The following FUT8 variants were observed in gnomAD, a reference collection of about 807,000 sequenced individuals.
FUT8 encodes the protein alpha-(1,6)-fucosyltransferase.
FUT8 carries 29 observed loss-of-function variants against 71.3 expected under a neutral mutation model. That is an observed-to-expected ratio of 0.41 (90% CI 0.30 to 0.55). FUT8 has a LOEUF of 0.55. Among genes scored for constraint, FUT8 ranks in the 20% least tolerant of loss-of-function variants. FUT8 has a pLI of 0.34. For synonymous variants in FUT8, 254 were observed against 239.3 expected (o/e 1.06, Z -0.57); for missense variants, 544 against 702.1 (o/e 0.77, Z 2.55).
Position 65,591,143 on chromosome 14 carries a change from A to G in FUT8, c.204-24835A>G, listed in dbSNP as rs142610004. Among the ~76,000 whole-genome samples, 815 of 152,294 alleles carry G rather than the reference A, an allele frequency of 5.4e-3. 6 individuals carry two copies. The highest frequency in any genetic ancestry group is 0.016 in the South Asian group (79 of 4,828). ...GGTTAATTCCTCCTTCACACAAAGA[A>G]TAGTGTGAATACATTTAAGTTATTT... On this transcript the variant is annotated intron_variant, in intron 3 of 10. Transcript: ENST00000673929.
chr14:65,485,548 C>T (rs1175177830), intron 2 of FUT8, among the ~76,000 whole-genome samples: 1 of 152,190 alleles, frequency 6.6e-6, no homozygotes, highest in Non-Finnish European at 1.5e-5. Context: ...TAGTAACAGG[C>T]AATATTCCTA....
intron 2 of FUT8, among the ~76,000 whole-genome samples, chr14:65,557,394 G>A (rs185748427): frequency 3.8e-4 from 57 of 148,124 alleles, no homozygotes; most frequent in African/African-American, 1.1e-3. Flanking sequence ...GTGTGGTGTT[G>A]TGATCTCGGC....
chr14:65,513,750 A>G, intron 2 of FUT8, among the ~76,000 whole-genome samples: 1 of 152,212 alleles, frequency 6.6e-6, no homozygotes, highest in African/African-American at 2.4e-5. Context: ...TCAGAGTAAC[A>G]ATCTGCAGAT....
chr14:65,621,707 G>A (rs1051724073), intron 5 of FUT8, among the ~76,000 whole-genome samples: 4 of 151,744 alleles, frequency 2.6e-5, no homozygotes, highest in African/African-American at 7.3e-5. Context: ...GATTACAGTC[G>A]CCTGCCACTA....
chr14:65,685,034 A>T (rs1893214167), intron 7 of FUT8, among the ~76,000 whole-genome samples: 1 of 152,192 alleles, frequency 6.6e-6, no homozygotes, highest in Admixed American at 6.5e-5. Context: ...CTCACAGAAA[A>T]GGATTGTTGA....
At chr14:65,501,635 T>C (rs1422442854) in intron 2 of FUT8, among the ~76,000 whole-genome samples, 1 of 152,200 alleles carries the variant, frequency 6.6e-6, no homozygotes, top group Non-Finnish European at 1.5e-5. Context: ...TTCAGAGTTT[T>C]ATTTTCAGTA....
rs1366247923 is a variant in FUT8 at position 65,742,415 on chromosome 14, CAGATGGAAG to C, written c.*10_*18del. 11 of 1,606,894 alleles carry C rather than the reference CAGATGGAAG, an allele frequency of 6.8e-6. No homozygotes were observed. Among genetic ancestry groups the C allele is most frequent in the Middle Eastern group, 1.7e-4 (1 of 6,038 alleles). Reference sequence around the variant, plus strand: ...TATCCTGAGGCTGAGAAATAAAGCTCAGATGGAAGAGATAAACGACCAAACTCAGTTCGA... The same window carrying C: ...TATCCTGAGGCTGAGAAATAAAGCTCAGATAAACGACCAAACTCAGTTCGA... On this transcript the variant is annotated 3_prime_UTR_variant, in exon 11 of 11. Coordinates refer to ENST00000673929, the MANE Select transcript of FUT8 (RefSeq NM_001371533.1).
At chr14:65,715,439 GA>G (rs1408910175) in intron 7 of FUT8, among the ~76,000 whole-genome samples, 1 of 152,170 alleles carries the variant, frequency 6.6e-6, no homozygotes, top group Non-Finnish European at 1.5e-5. Flanking sequence ...ATTTGGTCAA[GA>G]ATGATTGTTT....
intron 3 of FUT8, among the ~76,000 whole-genome samples, chr14:65,585,042 T>TAC (rs34505731): frequency 0.83 from 126,268 of 151,944 alleles, 52,705 homozygotes; most frequent in East Asian, 1. Flanking sequence ...CTAATTTATT[T>TAC]AAACAGATCT....
the FUT8 span, among the ~76,000 whole-genome samples, chr14:65,389,376 T>G: frequency 8.2e-5 from 9 of 109,254 alleles, no homozygotes; most frequent in Admixed American, 2.7e-4. Context: ...CACCCTGATA[T>G]TTTTTTTTTT....
the FUT8 span, among the ~76,000 whole-genome samples, chr14:65,369,803 G>A: frequency 2.0e-5 from 3 of 152,108 alleles, no homozygotes; most frequent in Admixed American, 2.0e-4. This position sits in a 1 kb window ranked among gnomAD's most constrained non-coding sequence, Gnocchi z 4.6. Context: ...CCCCTTGTTT[G>A]GCATATAATC....
intron 5 of FUT8, among the ~76,000 whole-genome samples, chr14:65,618,740 C>T (rs1202715794): frequency 6.6e-6 from 1 of 152,052 alleles, no homozygotes; most frequent in African/African-American, 2.4e-5. Context: ...TTATATGATA[C>T]AAAAGTCCAT....
At chr14:65,668,496 A>G (rs1892322387) in intron 6 of FUT8, among the ~76,000 whole-genome samples, 1 of 152,180 alleles carries the variant, frequency 6.6e-6, no homozygotes, top group Non-Finnish European at 1.5e-5. Context: ...TACCATCAGA[A>G]TGAGGCAACA....
chr14:65,384,651 G>A, the FUT8 span, among the ~76,000 whole-genome samples: 2 of 152,158 alleles, frequency 1.3e-5, no homozygotes, highest in Non-Finnish European at 2.9e-5. This position sits in a 1 kb window ranked among gnomAD's most constrained non-coding sequence, Gnocchi z 4.2. Flanking sequence ...TTGAATGAAA[G>A]GGATAGTGCT....
chr14:65,645,484 C>T (rs767958147), intron 6 of FUT8, among the ~76,000 whole-genome samples: 6 of 152,052 alleles, frequency 3.9e-5, no homozygotes, highest in Non-Finnish European at 7.4e-5. Flanking sequence ...ATTTTTTTCT[C>T]TAGCATGGTT....
At chr14:65,572,828 A>G (rs1886556049) in intron 3 of FUT8, among the ~76,000 whole-genome samples, 1 of 152,196 alleles carries the variant, frequency 6.6e-6, no homozygotes, top group African/African-American at 2.4e-5. Context: ...GGAGAAATAG[A>G]TAAATTCACT....
At chr14:65,718,869 C>T (rs1428579063) in intron 7 of FUT8, among the ~76,000 whole-genome samples, 1 of 151,886 alleles carries the variant, frequency 6.6e-6, no homozygotes, top group African/African-American at 2.4e-5. Flanking sequence ...TTTATTTTTT[C>T]TTTTGCTGCT....
chr14:65,373,937 AG>A, the FUT8 span, among the ~76,000 whole-genome samples: 2 of 151,336 alleles, frequency 1.3e-5, no homozygotes, highest in Admixed American at 1.3e-4. Flanking sequence ...CCTGGCAAGG[AG>A]GGTTAAGAGG....
At chr14:65,420,148 A>G (rs761757133) in intron 1 of FUT8, among the ~76,000 whole-genome samples, 1 of 152,104 alleles carries the variant, frequency 6.6e-6, no homozygotes, top group Non-Finnish European at 1.5e-5. Context: ...CTTAATAATA[A>G]TAAAAAAAAG....
Sources: allele counts gnomAD v4.1 joint callset (sites outside exome capture counted in the v4.1 genomes callset), GRCh38; gene constraint gnomAD v4.1.1; non-coding constraint Gnocchi (gnomAD v3.1); transcripts MANE v1.5; gene names NCBI Gene and HGNC (gene_info 2026-07-23, HGNC 2026-07-21).